MEGF6: variants seen among roughly 807,000 people sequenced by gnomAD.
The protein encoded by MEGF6 is multiple EGF like domains 6, also known as multiple epidermal growth factor-like domains protein 6.
A neutral mutation model predicts 207.1 loss-of-function variants in MEGF6; 184 were observed. That is an observed-to-expected ratio of 0.89 (90% confidence interval 0.79 to 1.00). MEGF6 has a LOEUF of 1.00. MEGF6 is among the 50% of genes least tolerant of loss of function. The pLI is 0.00. For synonymous variants in MEGF6, 1,038 were observed against 910.0 expected (o/e 1.14, Z -2.53); for missense variants, 2,282 against 2,202.9 (o/e 1.04, Z -0.72).
At chr1:3,618,459 C>T in the MEGF6 span, among the ~76,000 whole-genome samples, 4 of 152,078 alleles carry the variant, frequency 2.6e-5, no homozygotes, top group East Asian at 1.9e-4. The surrounding 1 kb of genome is among the most constrained non-coding windows in gnomAD (Gnocchi z 4.7). Flanking sequence ...TGGGAAGCAG[C>T]GCAAAACCAT....
Position 3,492,630 on chromosome 1 carries a change from C to T in MEGF6, c.4516+9G>A. On this transcript the variant is annotated intron_variant, in intron 35 of 36. Coordinates refer to ENST00000356575, the MANE Select transcript of MEGF6 (RefSeq NM_001409.4). ...GCCTTCCCGCCCTTCCCCAGGAAGCCCAGCTCACCTTCCCGGCACGTGGGC... is the reference window on the plus strand; with the variant it reads ...GCCTTCCCGCCCTTCCCCAGGAAGCTCAGCTCACCTTCCCGGCACGTGGGC... The T allele has an allele frequency of 6.2e-7, 1 of 1,603,494 alleles. No individual in the cohort carries two copies. Among genetic ancestry groups the T allele is most frequent in the Non-Finnish European group, 8.5e-7 (1 of 1,172,228 alleles).
chr1:3,513,349 C>T (rs986739088), intron 7 of MEGF6, among the ~76,000 whole-genome samples: 1 of 151,584 alleles, frequency 6.6e-6, no homozygotes, highest in African/African-American at 2.4e-5. Flanking sequence ...GTAGCTGGGA[C>T]TCCTGCCTCG....
chr1:3,524,487 G>A (rs1388368185), intron 4 of MEGF6, among the ~76,000 whole-genome samples: 1 of 152,256 alleles, frequency 6.6e-6, no homozygotes, highest in Non-Finnish European at 1.5e-5. Context: ...AGAAGGTGGG[G>A]AGTAGCAGAG....
chr1:3,529,204 A>C (rs1296955257), intron 4 of MEGF6, among the ~76,000 whole-genome samples: 2 of 152,152 alleles, frequency 1.3e-5, no homozygotes. Flanking sequence ...CTGTAGTGGG[A>C]CCAGGGCCCC....
Position 3,493,763 on chromosome 1 carries a change from A to G in MEGF6, c.4387+8T>C. 1 of 1,611,056 alleles carries G rather than the reference A, an allele frequency of 6.2e-7. No homozygotes were observed. The highest frequency in any genetic ancestry group is 8.5e-7 in the Non-Finnish European group (1 of 1,178,674). On this transcript the variant is annotated splice_region_variant and intron_variant, in intron 34 of 36. Coordinates refer to ENST00000356575, the MANE Select transcript of MEGF6 (RefSeq NM_001409.4). ...CCACGCCCTTCCTGGGCAGGACCCC[A>G]GACTCACCCAGGTTACAGGTGGCTC... is the stretch of plus-strand genomic sequence containing the variant.
At chr1:3,507,731 G>C in intron 14 of MEGF6, 64 bp downstream of exon 14, 2 of 1,602,822 alleles carry the variant, frequency 1.2e-6, no homozygotes, top group Non-Finnish European at 1.7e-6. Flanking sequence ...TGGAGGGGTG[G>C]TGTCTCCCAC....
chr1:3,523,192 C>A (rs1281535836), intron 5 of MEGF6, among the ~76,000 whole-genome samples: 1 of 152,090 alleles, frequency 6.6e-6, no homozygotes. Context: ...GAAGAAGGGG[C>A]GTCCTGACGC....
intron 3 of MEGF6, 34 bp downstream of exon 3, chr1:3,595,304 G>C (rs1429842925): frequency 1.3e-6 from 2 of 1,493,520 alleles, no homozygotes; most frequent in South Asian, 2.3e-5. Flanking sequence ...GGGTGGAGGT[G>C]GAGGGAGGGC....
intron 9 of MEGF6, 134 bp from the exon 10 acceptor site, chr1:3,511,036 T>C: frequency 7.8e-7 from 1 of 1,286,536 alleles, no homozygotes; most frequent in Admixed American, 2.5e-5. Context: ...CAGCCTCACG[T>C]GTGCACACCG....
In MEGF6 at chr1:3,499,169, G is replaced by A; in HGVS notation, c.3063C>T (p.Ala1021=). The A allele has an allele frequency of 6.2e-7, 1 of 1,604,174 alleles. No homozygotes were observed. The highest frequency in any genetic ancestry group is 8.5e-7 in the Non-Finnish European group (1 of 1,176,740). ...CDPVHGQCHC[A]PGWMGPSCLQ... is the part of the protein sequence containing the mutation. The stretch of plus-strand genomic sequence containing the variant: ...GGCAGGAGGGCCCCATCCAGCCAGG[G>A]GCACAGTGGCACTGCCCGTGGACAG... The change falls in exon 24 of 37, where the codon GCC becomes GCT. Residue 1021 remains alanine, a synonymous_variant. Transcript: ENST00000356575.
At chr1:3,566,381 C>G (rs1234308258) in intron 4 of MEGF6, among the ~76,000 whole-genome samples, 1 of 152,242 alleles carries the variant, frequency 6.6e-6, no homozygotes, top group Non-Finnish European at 1.5e-5. Context: ...GTCCTGGCAT[C>G]TGCCTCCCTG....
At chr1:3,597,282 G>A (rs1004254461) in intron 2 of MEGF6, among the ~76,000 whole-genome samples, 1 of 152,118 alleles carries the variant, frequency 6.6e-6, no homozygotes, top group Admixed American at 6.5e-5. Flanking sequence ...TGAGCCCCAG[G>A]ATCCGCCTGC....
Position 3,591,322 on chromosome 1 carries a change from T to A in MEGF6, c.376+4016A>T, listed in dbSNP as rs556493004. On this transcript the variant is annotated intron_variant, in intron 3 of 36. Coordinates refer to ENST00000356575, the MANE Select transcript of MEGF6 (RefSeq NM_001409.4). Reference sequence around the variant, plus strand: ...GCAGGGGGTAAGGCCCTGGGCTCGGTCCCCAGAGACCCCTGCTCACAAGCC... The same window carrying A: ...GCAGGGGGTAAGGCCCTGGGCTCGGACCCCAGAGACCCCTGCTCACAAGCC... 8.5e-5 allele frequency among the ~76,000 whole-genome samples: 13 copies of A among 152,080 alleles called. No individual in the cohort carries two copies. The South Asian group carries it at 2.5e-3, about 29-fold the overall frequency.
chr1:3,494,494 G>A lies in MEGF6; in HGVS notation c.4006C>T (p.Pro1336Ser), dbSNP rs1405803430. 1.9e-6 allele frequency: 3 copies of A among 1,590,246 alleles called. No individual in the cohort carries two copies. The highest frequency in any genetic ancestry group is 2.3e-5 in the East Asian group (1 of 43,810). ...CAGGCGGCTCCGTAGCGCCCAGGGG[G>A]ACAGGCTGGGGACAGGGCAGGGTGG... ...WTGRHCELAC[P>S]PGRYGAACHL... The change falls in exon 32 of 37, where the codon CCC (proline) becomes TCC (serine). Residue 1336 changes from proline to serine, a missense_variant. By Grantham distance (74) the Pro-to-Ser change is moderately conservative. Coordinates refer to ENST00000356575, the MANE Select transcript of MEGF6 (RefSeq NM_001409.4).
In MEGF6 at chr1:3,509,940, G is replaced by A. The variant is rs1641273698; in HGVS notation, c.1287C>T (p.Asn429=). The A allele has an allele frequency of 1.9e-6, 3 of 1,578,756 alleles. No homozygotes were observed. The highest frequency in any genetic ancestry group is 1.7e-6 in the Non-Finnish European group (2 of 1,166,380). Residue 429 remains asparagine (N), a synonymous_variant, in exon 11 of 37, where the codon AAC becomes AAT. Coordinates refer to ENST00000356575, the MANE Select transcript of MEGF6 (RefSeq NM_001409.4). ...SRGGCEHHCT[N]LAGSFQCSCE... Reference sequence around the variant, plus strand: ...AGGAGCACTGGAAGGAGCCGGCCAGGTTGGTGCAGTGGTGCTCGCAGCCGC... The same window carrying A: ...AGGAGCACTGGAAGGAGCCGGCCAGATTGGTGCAGTGGTGCTCGCAGCCGC...
chr1:3,532,487 G>GCACC (rs1642209591), intron 4 of MEGF6, among the ~76,000 whole-genome samples: 1 of 152,222 alleles, frequency 6.6e-6, no homozygotes, highest in Admixed American at 6.5e-5. Context: ...CACTGGCGGT[G>GCACC]AGGGTCCACA....
Position 3,591,150 on chromosome 1 carries a change from C to T in MEGF6, c.376+4188G>A, listed in dbSNP as rs182834935. On this transcript the variant is annotated intron_variant, in intron 3 of 36. Transcript: ENST00000356575. ...CCCCCGACCCCACCAGCAGCCGCGC[C>T]CCGCCCTCCTCGCATGAGCCAGCAG... Among the ~76,000 whole-genome samples, 832 of 152,338 alleles carry T rather than the reference C, an allele frequency of 5.5e-3. 8 individuals carry two copies. The highest frequency in any genetic ancestry group is 0.014 in the Middle Eastern group (4 of 294).
At chr1:3,493,679 CAG>C in intron 34 of MEGF6, 90 bp downstream of exon 34, 2 of 1,523,336 alleles carry the variant, frequency 1.3e-6, no homozygotes, top group African/African-American at 1.4e-5. Flanking sequence ...GTGGCCAGCC[CAG>C]GACTGGCACA....
At chr1:3,499,363 T>C (rs1328783857) in intron 23 of MEGF6, 97 bp from the exon 24 acceptor site, 2 of 1,465,114 alleles carry the variant, frequency 1.4e-6, no homozygotes, top group Non-Finnish European at 1.8e-6. Context: ...CGGGGTCCCC[T>C]CGGCTGCTAT....
Sources: allele counts gnomAD v4.1 joint callset (sites outside exome capture counted in the v4.1 genomes callset), GRCh38; gene constraint gnomAD v4.1.1; non-coding constraint Gnocchi (gnomAD v3.1); transcripts MANE v1.5; gene names NCBI Gene and HGNC (gene_info 2026-07-23, HGNC 2026-07-21).